The following NEB variants were observed in gnomAD, a reference collection of about 807,000 sequenced individuals.
NEB encodes the protein nemaline myopathy type 2.
NEB carries 512 observed loss-of-function variants against 952.2 expected under a neutral mutation model. The observed-to-expected ratio is 0.54, with a 90% CI of 0.50 to 0.58. The LOEUF (loss-of-function observed/expected upper bound fraction) is 0.58, where lower values mean the gene tolerates loss of function less well. NEB is among the 20% of genes least tolerant of loss of function. The pLI is 0.00. For synonymous variants in NEB, 2,900 were observed against 3,149.8 expected (o/e 0.92, Z 2.66); for missense variants, 8,428 against 9,231.1 (o/e 0.91, Z 3.56).
In NEB at chr2:151,671,197, C is replaced by T. The variant is rs988470513; in HGVS notation, c.4332G>A (p.Leu1444=). Residue 1444 remains leucine, a synonymous_variant, in exon 38 of 182, where the codon TTG becomes TTA. Coordinates refer to ENST00000397345, the MANE Select transcript of NEB (RefSeq NM_001164508.2). ...NVYKDEYNSF[L]KGIGWIPIGS... ...CAATAGGGATCCATCCGATGCCCTT[C>T]AAGAAGCTGTTATACTCGTCTTTAT... 6.2e-7 allele frequency: 1 copy of T among 1,613,928 alleles called. No individual in the cohort carries two copies. Among genetic ancestry groups the T allele is most frequent in the Non-Finnish European group, 8.5e-7 (1 of 1,179,828 alleles).
intron 107 of NEB, among the ~76,000 whole-genome samples, chr2:151,571,257 C>T (rs1414405080): frequency 6.6e-6 from 1 of 152,198 alleles, no homozygotes; most frequent in Non-Finnish European, 1.5e-5. Context: ...CCACCTGCCT[C>T]GGCCTCCCAA....
In NEB at chr2:151,565,511, T is replaced by G. The variant is rs767675658; in HGVS notation, c.18356A>C (p.Asn6119Thr). ...ACAAAGCAAACTTACATCACTTTGA[T>G]TGACAGAATTAATCTTGGCTAAAAC... ...EIVLAKINSV[N>T]QSDVKYKETF... Residue 6119 changes from asparagine to threonine, a missense_variant, in exon 116 of 182, where the codon AAT becomes ACT. This residue lies in a region of NEB where 3,374 missense variants were observed against 3,651.5 expected (regional missense o/e 0.92). Coordinates refer to ENST00000397345, the MANE Select transcript of NEB (RefSeq NM_001164508.2). 6.3e-7 allele frequency: 1 copy of G among 1,586,924 alleles called. No individual in the cohort carries two copies. Among genetic ancestry groups the G allele is most frequent in the Non-Finnish European group, 8.6e-7 (1 of 1,157,916 alleles).
Position 151,619,439 on chromosome 2 carries a change from A to G in NEB, c.10872+12T>C. On this transcript the variant is annotated intron_variant, in intron 73 of 181. Coordinates refer to ENST00000397345, the MANE Select transcript of NEB (RefSeq NM_001164508.2). ...GCTTTTAACATGCAGAGCTAACATC[A>G]AGGAAACTTACGTCACTCTGGAGGT... The G allele has an allele frequency of 1.3e-6, 2 of 1,581,440 alleles. No homozygotes were observed. Among genetic ancestry groups the G allele is most frequent in the Non-Finnish European group, 1.7e-6 (2 of 1,159,832 alleles).
At position 151,568,098 on chromosome 2, in the gene NEB, G is replaced by C; in HGVS notation, c.17817C>G (p.Ala5939=). ...CACTCTGAACGTCATTGCAGTGATG[G>C]GCATGAACAAATGGCACAGCATCTG... ...LPPDAVPFVH[A]HHCNDVQSEL... Residue 5939 remains alanine (A), a synonymous_variant, in exon 113 of 182, where the codon GCC becomes GCG. Transcript: ENST00000397345. 1.2e-6 allele frequency: 2 copies of C among 1,613,524 alleles called. No individual in the cohort carries two copies. Among genetic ancestry groups the C allele is most frequent in the Non-Finnish European group, 1.7e-6 (2 of 1,179,670 alleles).
rs552352912 is a variant in NEB at position 151,709,512 on chromosome 2, T to A, written c.1035+144A>T. On this transcript the variant is annotated intron_variant, in intron 12 of 181. Transcript: ENST00000397345. ...TGTTTCAATTCTACTCTTTTTCAAA[T>A]GCCTCACATCCACTGGTCTCAGCCC... The A allele has an allele frequency of 2.5e-5, 14 of 569,874 alleles. No homozygotes were observed. In the South Asian group the frequency reaches 3.7e-4, roughly 15 times the overall value. The allele number at this position is 569,874 out of a possible 1,614,324, so 35.3% of individuals were successfully genotyped here. A position where few individuals can be genotyped will look rare whatever the true frequency, so the allele number is the denominator to read the frequency against.
In NEB at chr2:151,677,660, T is replaced by G. The variant is rs769891018; in HGVS notation, c.3679A>C (p.Lys1227Gln). ...AGGGTGTCTGGATGTTGCCTGTACT[T>G]CTTTTCATTCAGAGCATCACCGGCC... is the stretch of plus-strand genomic sequence containing the variant. Reference protein sequence around the residue: ...KKAGDALNEKKYRQHPDTLKF... With the variant: ...KKAGDALNEKQYRQHPDTLKF... Residue 1227 changes from lysine to glutamine, a missense_variant, in exon 34 of 182, where the codon AAG (lysine) becomes CAG (glutamine). Lys to Gln is a moderately conservative substitution (Grantham distance 53). Transcript: ENST00000397345. 13 of 1,614,010 alleles carry G rather than the reference T, an allele frequency of 8.1e-6. No homozygotes were observed. The highest frequency in any genetic ancestry group is 1.6e-4 in the Middle Eastern group (1 of 6,062).
chr2:151,491,646 T>C (rs1159198948), intron 179 of NEB, 37 bp downstream of exon 179: 3 of 1,446,204 alleles, frequency 2.1e-6, no homozygotes, highest in Non-Finnish European at 2.9e-6. Flanking sequence ...TACTAAATGG[T>C]GATGTTTATG....
In NEB at chr2:151,625,538, C is replaced by G. The variant is rs183425374; in HGVS notation, c.10448G>C (p.Ser3483Thr). 1 of 1,584,534 alleles carries G rather than the reference C, an allele frequency of 6.3e-7. No individual in the cohort carries two copies. Among genetic ancestry groups the G allele is most frequent in the African/African-American group, 1.3e-5 (1 of 74,476 alleles). ...AAATAAAACAAATGATCTTACCTCA[C>G]TATAATTTATTTTATTTTGTCTTGC... ...MLARQNKINY[S>T]ESLYRQAMEE... The change falls in exon 71 of 182, where the codon AGT (serine) becomes ACT (threonine). Residue 3483 changes from serine to threonine, a missense_variant. By Grantham distance (58) the Ser-to-Thr change is moderately conservative (BLOSUM62 1). This residue lies in a region of NEB where 1,772 missense variants were observed against 1,960.3 expected (regional missense o/e 0.90). Transcript: ENST00000397345.
chr2:151,647,203 C>A (rs1253913535), intron 54 of NEB, among the ~76,000 whole-genome samples: 2 of 152,034 alleles, frequency 1.3e-5, no homozygotes, highest in Non-Finnish European at 2.9e-5. Context: ...CTCCACCTCC[C>A]AGGTTCAAGC....
rs2098401302 is a variant in NEB, at chr2:151,620,834, G to A, written c.10560+85C>T. 5.7e-6 allele frequency: 6 copies of A among 1,047,542 alleles called. No homozygotes were observed. In the South Asian group the frequency reaches 7.7e-5, roughly 13 times the overall value. 64.9% of individuals were successfully genotyped at this position (1,047,542 alleles called of 1,614,324 possible). On this transcript the variant is annotated intron_variant, in intron 72 of 181. Transcript: ENST00000397345. ...TGCCTATGCACTGAAGGGAGTTAAGGTGGATGATGACCAAAGAGACATCCA... is the reference window on the plus strand; with the variant it reads ...TGCCTATGCACTGAAGGGAGTTAAGATGGATGATGACCAAAGAGACATCCA...
chr2:151,694,692 A>G, intron 18 of NEB, 63 bp from the exon 19 acceptor site: 1 of 1,272,928 alleles, frequency 7.9e-7, no homozygotes, highest in South Asian at 1.3e-5. Context: ...ACCTTTAAAG[A>G]CTAGTGGGTA....
At chr2:151,490,662 T>C (rs1265613632) in intron 179 of NEB, 144 bp from the exon 180 acceptor site, 43 of 1,003,146 alleles carry the variant, frequency 4.3e-5, no homozygotes, top group East Asian at 2.4e-4. Flanking sequence ...CTCACAGTTA[T>C]TCTGATGTAG....
chr2:151,508,030 C>A lies in NEB; in HGVS notation c.23426G>T (p.Arg7809Leu). The A allele has an allele frequency of 6.2e-7, 1 of 1,609,830 alleles. No homozygotes were observed. Among genetic ancestry groups the A allele is most frequent in the East Asian group, 2.2e-5 (1 of 44,812 alleles). ...VLDTPEIQRV[R>L]ENQKNFSLLQ... ...AAGGCTGAAGTTCTTTTGGTTCTCC[C>A]GGACTCTCTGTATCTCTGGGGTGTC... Residue 7809 changes from arginine to leucine, a missense_variant, in exon 162 of 182, where the codon CGG becomes CTG. Physicochemically the swap from Arg to Leu is moderately radical, Grantham distance 102. This residue lies in a region of NEB where 3,374 missense variants were observed against 3,651.5 expected (regional missense o/e 0.92). Transcript: ENST00000397345.
chr2:151,694,489 G>C, intron 19 of NEB, 33 bp downstream of exon 19: 1 of 1,613,334 alleles, frequency 6.2e-7, no homozygotes, highest in Non-Finnish European at 8.5e-7. Context: ...TGTCCCCGAA[G>C]CCAGCCTGTC....
chr2:151,639,414 GA>G (rs1479582479), intron 62 of NEB, 30 bp from the exon 63 acceptor site: 5 of 1,470,822 alleles, frequency 3.4e-6, no homozygotes, highest in Non-Finnish European at 2.7e-6. Context: ...AATTCATCAG[GA>G]AAAAAGTTCT....
intron 36 of NEB, among the ~76,000 whole-genome samples, chr2:151,674,180 G>A (rs997564299): frequency 1.3e-5 from 2 of 152,024 alleles, no homozygotes; most frequent in Admixed American, 6.6e-5. Flanking sequence ...TGTCAGTCAG[G>A]GTGTTCCCAC....
intron 79 of NEB, 47 bp from the exon 80 acceptor site, chr2:151,610,670 G>A: frequency 6.4e-7 from 1 of 1,573,312 alleles, no homozygotes; most frequent in Non-Finnish European, 8.7e-7. Flanking sequence ...GTTTGAGGAA[G>A]GTAATAGGCC....
At position 151,514,801 on chromosome 2, in the gene NEB, G is replaced by T. The variant is rs1287778692; in HGVS notation, c.23016+17C>A. On this transcript the variant is annotated intron_variant, in intron 158 of 181. Transcript: ENST00000397345. Reference sequence around the variant, plus strand: ...TATTTGGATTAAGAGGGAAAGAAAAGACCAAGTGGGCACTACCTCGCTTGC... The same window carrying T: ...TATTTGGATTAAGAGGGAAAGAAAATACCAAGTGGGCACTACCTCGCTTGC... 1 of 1,510,552 alleles carries T rather than the reference G, an allele frequency of 6.6e-7. No individual in the cohort carries two copies. 93.6% of individuals were successfully genotyped at this position (1,510,552 alleles called of 1,614,324 possible).
rs763069729 is a variant in NEB, at chr2:151,625,534, C to A, written c.10452G>T (p.Glu3484Asp). ...LARQNKINYS[E>D]SLYRQAMEEA... ...AAAGAAATAAAACAAATGATCTTAC[C>A]TCACTATAATTTATTTTATTTTGTC... The change falls in exon 71 of 182, where the codon GAG becomes GAT. Residue 3484 changes from glutamate (E) to aspartate (D), a missense_variant and splice_region_variant. By Grantham distance (45) the Glu-to-Asp change is conservative. Transcript: ENST00000397345. 6.3e-7 allele frequency: 1 copy of A among 1,575,364 alleles called. No homozygotes were observed. The highest frequency in any genetic ancestry group is 1.1e-5 in the South Asian group (1 of 87,998).
Sources: gnomAD v4.1 joint callset for allele counts (sites outside exome capture counted in the v4.1 genomes callset) on GRCh38, gnomAD v4.1.1 for gene constraint, gnomAD v4.1.1 regional missense constraint, MANE v1.5 for transcripts, NCBI Gene and HGNC (gene_info 2026-07-23, HGNC 2026-07-21) for gene names.